The following PWWP2A variants were observed in gnomAD, a reference collection of about 807,000 sequenced individuals.
The protein encoded by PWWP2A is PWWP domain containing 2A.
PWWP2A carries 18 observed loss-of-function variants against 48.5 expected under a neutral mutation model. That is an observed-to-expected ratio of 0.37 (90% CI 0.26 to 0.55). The LOEUF is 0.55. Ranked by LOEUF, PWWP2A falls within the 20% of genes least tolerant of loss-of-function variation. PWWP2A has a pLI of 0.81. For missense variants in PWWP2A, 867 were observed against 976.4 expected (o/e 0.89, Z 1.49); for synonymous variants, 396 against 387.7 (o/e 1.02, Z -0.25).
At chr5:160,091,286 T>C, downstream of PWWP2A, 1 of 978,220 alleles carries the variant, frequency 1.0e-6, no homozygotes, top group Non-Finnish European at 1.2e-6. Context: ...CAAAGAATAA[T>C]TTTCTACCAT....
chr5:160,116,811 G>C, intron 1 of PWWP2A: 1 of 984,910 alleles, frequency 1.0e-6, no homozygotes. Flanking sequence ...CATCAGTAGA[G>C]GCCGGGCGAG....
intron 2 of PWWP2A, among the ~76,000 whole-genome samples, chr5:160,067,965 G>A (rs978154492): frequency 6.6e-6 from 1 of 152,212 alleles, no homozygotes; most frequent in Non-Finnish European, 1.5e-5. Flanking sequence ...CGGATCACCT[G>A]AAGTCAGGAG....
intron 4 of PWWP2A, chr5:160,065,114 G>T (rs771009168): frequency 6.3e-7 from 1 of 1,590,106 alleles, no homozygotes. Context: ...TGTGCTGCTT[G>T]CTGTTAGCTA....
intron 4 of PWWP2A, chr5:160,065,258 A>C: frequency 1.2e-6 from 1 of 840,244 alleles, no homozygotes; most frequent in Non-Finnish European, 1.9e-6. Flanking sequence ...AATGAACCTA[A>C]TTTGATTTCC....
Position 160,093,978 on chromosome 5 carries a change from T to C in PWWP2A, c.672A>G (p.Thr224=). 1.2e-6 allele frequency: 2 copies of C among 1,614,080 alleles called. No homozygotes were observed. Among genetic ancestry groups the C allele is most frequent in the South Asian group, 1.1e-5 (1 of 91,088 alleles). ...ACTTGACTTCTGTCCCTTCTTGGAA[T>C]GTATTACTTTGGAGCGGCATGGCTT... ...KPEAMPLQSN[T]FQEGTEVKCE... Residue 224 remains threonine, a synonymous_variant, in exon 2 of 2, where the codon ACA becomes ACG. Transcript: ENST00000307063. The surrounding 1 kb of genome is among the most constrained non-coding windows in gnomAD (Gnocchi z 5.8).
intron 4 of PWWP2A, chr5:160,065,066 C>G (rs1463151466): frequency 1.2e-6 from 2 of 1,608,310 alleles, no homozygotes; most frequent in Non-Finnish European, 1.7e-6. Flanking sequence ...TAACAGATAA[C>G]AAAGATAACA....
the PWWP2A span, among the ~76,000 whole-genome samples, chr5:160,045,558 T>TCTCTC: frequency 1.6e-5 from 1 of 63,594 alleles, no homozygotes. Context: ...TCTCTCCCCC[T>TCTCTC]CCCCTCTCTC....
rs1034240294 is a variant in PWWP2A at position 160,077,786 on chromosome 5, G to A, written c.*369C>T. ...GTATGAAAAATAATTCAGCATTTCTGCATCATCCCATGCCTTTTAGGCCTG... is the reference window on the plus strand; with the variant it reads ...GTATGAAAAATAATTCAGCATTTCTACATCATCCCATGCCTTTTAGGCCTG... On this transcript the variant is annotated 3_prime_UTR_variant, in exon 4 of 4. Coordinates refer to the PWWP2A transcript ENST00000456329. The surrounding 1 kb of genome is among the most constrained non-coding windows in gnomAD (Gnocchi z 4.2). The A allele has an allele frequency of 4.6e-5, 9 of 197,308 alleles. No individual in the cohort carries two copies. The highest frequency in any genetic ancestry group is 2.1e-4 in the Admixed American group (4 of 18,664). 12.2% of individuals were successfully genotyped at this position (197,308 alleles called of 1,614,324 possible). A position where few individuals can be genotyped will look rare whatever the true frequency, so the allele number is the denominator to read the frequency against.
intron 1 of PWWP2A, among the ~76,000 whole-genome samples, chr5:160,104,122 C>CAAAAAAAA (rs70990703): frequency 0.081 from 4,957 of 61,500 alleles, 879 homozygotes; most frequent in African/African-American, 0.24. Context: ...GACTCTGTCT[C>CAAAAAAAA]AAAAAAAAAA....
In PWWP2A at chr5:160,091,375, GGT is replaced by G; in HGVS notation, c.*1005_*1006del. 22 of 872,390 alleles carry G rather than the reference GGT, an allele frequency of 2.5e-5. No individual in the cohort carries two copies. The highest frequency in any genetic ancestry group is 1.1e-4 in the South Asian group (2 of 18,684). The allele number at this position is 872,390 out of a possible 1,614,324, so 54.0% of individuals were successfully genotyped here. On this transcript the variant is annotated 3_prime_UTR_variant, in exon 2 of 2. Coordinates refer to ENST00000307063, the MANE Select transcript of PWWP2A (RefSeq NM_001130864.2). Reference sequence around the variant, plus strand: ...TTGATTTTATTTACAGCTTTTTTTTGGTTTTTTTTTTTTTTTTTACATTTCAG... The same window carrying G: ...TTGATTTTATTTACAGCTTTTTTTTGTTTTTTTTTTTTTTTTACATTTCAG...
intron 1 of PWWP2A, among the ~76,000 whole-genome samples, chr5:160,101,056 G>T (rs1443212145): frequency 1.3e-5 from 2 of 152,128 alleles, no homozygotes; most frequent in Non-Finnish European, 2.9e-5. Flanking sequence ...GTCTTAAAAA[G>T]GATGAAATCA....
At chr5:160,067,493 C>T (rs1015453715) in intron 2 of PWWP2A, among the ~76,000 whole-genome samples, 2 of 152,108 alleles carry the variant, frequency 1.3e-5, no homozygotes, top group Non-Finnish European at 2.9e-5. Context: ...TAGACTTGTT[C>T]GTCTAGAAAC....
chr5:160,066,220 G>GTGGAATGC (rs1753602299), intron 4 of PWWP2A, among the ~76,000 whole-genome samples: 1 of 151,454 alleles, frequency 6.6e-6, no homozygotes, highest in Non-Finnish European at 1.5e-5. Flanking sequence ...TGGAAACCGT[G>GTGGAATGC]TGGAATGCTG....
At position 160,119,109 on chromosome 5, in the gene PWWP2A, T is replaced by C; in HGVS notation, c.280A>G (p.Lys94Glu). Residue 94 changes from lysine to glutamate, a missense_variant, in exon 1 of 2, where the codon AAA (lysine) becomes GAA (glutamate). Physicochemically the swap from Lys to Glu is moderately conservative, Grantham distance 56. Around this residue, in one of 4 missense-constraint regions of PWWP2A, gnomAD observed 385 missense variants for 396.9 expected, o/e 0.97. Coordinates refer to ENST00000307063, the MANE Select transcript of PWWP2A (RefSeq NM_001130864.2). ...AVGPELEAEE[K>E]LSVRVAESAA... The stretch of plus-strand genomic sequence containing the variant: ...GACTCCGCCACCCGAACGGACAGTT[T>C]CTCCTCAGCCTCCAGCTCCGGCCCC... 1 of 1,587,908 alleles carries C rather than the reference T, an allele frequency of 6.3e-7. No homozygotes were observed. The highest frequency in any genetic ancestry group is 8.5e-7 in the Non-Finnish European group (1 of 1,176,042).
At chr5:160,052,654 T>C in the PWWP2A span, among the ~76,000 whole-genome samples, 1 of 151,304 alleles carries the variant, frequency 6.6e-6, no homozygotes. Context: ...AAGGCATTGG[T>C]CTCTTAGTCC....
chr5:160,104,951 C>A (rs933804102), intron 1 of PWWP2A, among the ~76,000 whole-genome samples: 2 of 151,886 alleles, frequency 1.3e-5, no homozygotes, highest in African/African-American at 4.8e-5. Flanking sequence ...GTTTAGAAAG[C>A]ATACTGGTGG....
At chr5:160,064,098 A>G (rs1753523844) in intron 4 of PWWP2A, among the ~76,000 whole-genome samples, 1 of 150,888 alleles carries the variant, frequency 6.6e-6, no homozygotes, top group Non-Finnish European at 1.5e-5. Flanking sequence ...CCTCCCTAGT[A>G]GCTGGGACTG....
Position 160,078,174 on chromosome 5 carries a change from A to AG in PWWP2A, c.1670-7_1670-6insC. ...AGCCTGCTAATGTCTTTGTGCTGAA[A>AG]TATAGTAAAGAAAAGGAAGAAAATG... On this transcript the variant is annotated splice_polypyrimidine_tract_variant and splice_region_variant and intron_variant, in intron 3 of 3. Transcript: ENST00000456329. This position sits in a 1 kb window ranked among gnomAD's most constrained non-coding sequence, Gnocchi z 4.2. 1.9e-6 allele frequency: 3 copies of AG among 1,553,136 alleles called. No individual in the cohort carries two copies. The highest frequency in any genetic ancestry group is 2.6e-6 in the Non-Finnish European group (3 of 1,146,194).
chr5:160,091,921 A>T lies in PWWP2A; in HGVS notation c.*461T>A. ...TCACCAAGCCCTTATTGCAATCCCAAATATGCAATCTGTGTCACACAGTGA... is the reference window on the plus strand; with the variant it reads ...TCACCAAGCCCTTATTGCAATCCCATATATGCAATCTGTGTCACACAGTGA... On this transcript the variant is annotated 3_prime_UTR_variant, in exon 2 of 2. Transcript: ENST00000307063. 1 of 982,570 alleles carries T rather than the reference A, an allele frequency of 1.0e-6. No individual in the cohort carries two copies. Among genetic ancestry groups the T allele is most frequent in the Non-Finnish European group, 1.2e-6 (1 of 828,144 alleles). 60.9% of individuals were successfully genotyped at this position (982,570 alleles called of 1,614,324 possible).
Sources: gnomAD v4.1 joint callset for allele counts (sites outside exome capture counted in the v4.1 genomes callset) on GRCh38, gnomAD v4.1.1 for gene constraint, gnomAD v4.1.1 regional missense constraint, Gnocchi (gnomAD v3.1) non-coding constraint, MANE v1.5 for transcripts, NCBI Gene and HGNC (gene_info 2026-07-23, HGNC 2026-07-21) for gene names.